Variants in ADAMTS12 observed in about 807,000 individuals in gnomAD.
The protein encoded by ADAMTS12 is A disintegrin and metalloproteinase with thrombospondin motifs 12.
ADAMTS12 carries 118 observed loss-of-function variants against 167.8 expected under a neutral mutation model. The ratio of observed to expected loss-of-function variants is 0.70; its 90% CI spans 0.61 to 0.82. The LOEUF (loss-of-function observed/expected upper bound fraction) is 0.82, where lower values mean the gene tolerates loss of function less well. Ranked by LOEUF, ADAMTS12 falls within the 40% of genes least tolerant of loss-of-function variation. The pLI is 0.00. For missense variants in ADAMTS12, 1,916 were observed against 1,998.8 expected (o/e 0.96, Z 0.79); for synonymous variants, 704 against 716.9 (o/e 0.98, Z 0.29).
At chr5:33,530,144 T>G (rs2111729244) in intron 23 of ADAMTS12, among the ~76,000 whole-genome samples, 1 of 152,258 alleles carries the variant, frequency 6.6e-6, no homozygotes, top group East Asian at 1.9e-4. Flanking sequence ...CAGGCTGGTC[T>G]TGAACTCCTG....
chr5:33,825,424 T>C (rs1438071607), intron 2 of ADAMTS12, among the ~76,000 whole-genome samples: 6 of 152,158 alleles, frequency 3.9e-5, no homozygotes, highest in Non-Finnish European at 8.8e-5. Flanking sequence ...TGTCATTAGA[T>C]GAGAGATTTA....
intron 2 of ADAMTS12, among the ~76,000 whole-genome samples, chr5:33,851,568 C>T (rs969811750): frequency 1.3e-5 from 2 of 152,178 alleles, no homozygotes; most frequent in African/African-American, 4.8e-5. Flanking sequence ...ACCGATACAT[C>T]TCAAATCCTC....
At chr5:33,719,990 T>G (rs1465414806) in intron 3 of ADAMTS12, among the ~76,000 whole-genome samples, 1 of 152,204 alleles carries the variant, frequency 6.6e-6, no homozygotes, top group Non-Finnish European at 1.5e-5. Flanking sequence ...ATTTGTTGGC[T>G]GATTTGTATG....
chr5:33,881,430 C>T lies in ADAMTS12; in HGVS notation c.178G>A (p.Val60Ile). ...GACAAAAAATGCCCACTGGCATCTA[C>T]TCGGACTGGACCCACCACGTGGTAT... ...PEYHVVGPVR[V>I]DASGHFLSYG... is the part of the protein sequence containing the mutation. Residue 60 changes from valine to isoleucine, a missense_variant, in exon 2 of 24, where the codon GTA becomes ATA. Coordinates refer to ENST00000504830, the MANE Select transcript of ADAMTS12 (RefSeq NM_030955.4). 6.2e-7 allele frequency: 1 copy of T among 1,614,000 alleles called. No homozygotes were observed. The highest frequency in any genetic ancestry group is 8.5e-7 in the Non-Finnish European group (1 of 1,179,964).
rs751142006 is a variant in ADAMTS12 at position 33,577,022 on chromosome 5, C to A, written c.3004G>T (p.Val1002Phe). The change falls in exon 19 of 24, where the codon GTT becomes TTT. Residue 1002 changes from valine to phenylalanine, a missense_variant. Coordinates refer to ENST00000504830, the MANE Select transcript of ADAMTS12 (RefSeq NM_030955.4). ...GLQQCPSSRRVLKPNKGTISN... is the reference protein window; with the variant it reads ...GLQQCPSSRRFLKPNKGTISN... The stretch of plus-strand genomic sequence containing the variant: ...ATAGTGCCTTTGTTTGGTTTCAGAA[C>A]TCTCCGGCTAGAAGGGCATTGCTGG... 1 of 1,614,158 alleles carries A rather than the reference C, an allele frequency of 6.2e-7. No homozygotes were observed. Among genetic ancestry groups the A allele is most frequent in the Admixed American group, 1.7e-5 (1 of 60,018 alleles).
At position 33,684,021 on chromosome 5, in the gene ADAMTS12, C is replaced by A; in HGVS notation, c.669G>T (p.Trp223Cys). The A allele has an allele frequency of 6.2e-7, 1 of 1,605,952 alleles. No individual in the cohort carries two copies. Residue 223 changes from tryptophan to cysteine, a missense_variant, in exon 4 of 24, where the codon TGG (tryptophan) becomes TGT (cysteine). By Grantham distance (215) the Trp-to-Cys change is radical (BLOSUM62 -2). Transcript: ENST00000504830. ...SVNISQKQEL[W>C]REKWERHNLP... is the part of the protein sequence containing the mutation. The stretch of plus-strand genomic sequence containing the variant: ...AGTTGTGCCTCTCCCACTTCTCCCG[C>A]CATAGCTCTTGCTTCTGGGAGATGT...
At chr5:33,686,936 T>TAG (rs1554035094) in intron 3 of ADAMTS12, among the ~76,000 whole-genome samples, 2,099 of 145,596 alleles carry the variant, frequency 0.014, 45 homozygotes, top group African/African-American at 0.045. Flanking sequence ...TATATATATA[T>TAG]AGAGAGAGAG....
chr5:33,587,394 T>TC (rs1301288038), intron 18 of ADAMTS12, among the ~76,000 whole-genome samples: 1 of 152,192 alleles, frequency 6.6e-6, no homozygotes, highest in Non-Finnish European at 1.5e-5. Context: ...TCAGATATTC[T>TC]CCATTTTCTC....
chr5:33,558,847 C>T (rs1254290861), intron 20 of ADAMTS12, among the ~76,000 whole-genome samples: 2 of 152,074 alleles, frequency 1.3e-5, no homozygotes, highest in Non-Finnish European at 2.9e-5. Context: ...AACTTTCAGT[C>T]CTTTTCAGAT....
At chr5:33,687,891 G>A (rs1742393771) in intron 3 of ADAMTS12, among the ~76,000 whole-genome samples, 1 of 152,218 alleles carries the variant, frequency 6.6e-6, no homozygotes, top group Admixed American at 6.5e-5. Context: ...AGGGGCTGAT[G>A]ATTCTGGGAA....
chr5:33,662,983 T>C lies in ADAMTS12; in HGVS notation c.916-943A>G, dbSNP rs146954764. Among the ~76,000 whole-genome samples the C allele has an allele frequency of 1.8e-4, 28 of 152,354 alleles. No homozygotes were observed. The East Asian group carries it at 4.6e-3, about 25-fold the overall frequency. ...TCAGGACAGTCTCTGCATGAAATTATGAGCTTGCTTCTCTACCATTCTGTA... is the reference window on the plus strand; with the variant it reads ...TCAGGACAGTCTCTGCATGAAATTACGAGCTTGCTTCTCTACCATTCTGTA... On this transcript the variant is annotated intron_variant, in intron 5 of 23. Transcript: ENST00000504830.
At chr5:33,673,445 C>T (rs961759830) in intron 5 of ADAMTS12, among the ~76,000 whole-genome samples, 5 of 152,156 alleles carry the variant, frequency 3.3e-5, no homozygotes, top group African/African-American at 9.7e-5. Context: ...GAACCACCAT[C>T]GACTCAGTTG....
At chr5:33,838,581 C>T (rs1033736656) in intron 2 of ADAMTS12, among the ~76,000 whole-genome samples, 34 of 152,098 alleles carry the variant, frequency 2.2e-4, no homozygotes, top group African/African-American at 7.5e-4. Context: ...TATGTGGAGG[C>T]TGAGGTAGGA....
chr5:33,547,915 CT>C (rs1388438518), intron 21 of ADAMTS12, among the ~76,000 whole-genome samples: 1 of 152,130 alleles, frequency 6.6e-6, no homozygotes, highest in Admixed American at 6.5e-5. Flanking sequence ...GTTTGGAGGT[CT>C]GGGTTCAGAG....
intron 16 of ADAMTS12, among the ~76,000 whole-genome samples, chr5:33,601,523 C>T (rs1738188908): frequency 6.6e-6 from 1 of 152,118 alleles, no homozygotes. Context: ...CACTCTGAGG[C>T]TAGGGAATAA....
chr5:33,872,112 G>C (rs913221827), intron 2 of ADAMTS12, among the ~76,000 whole-genome samples: 1 of 152,118 alleles, frequency 6.6e-6, no homozygotes, highest in Non-Finnish European at 1.5e-5. Context: ...AGGTTCACTG[G>C]TGAACTCTAC....
chr5:33,781,632 A>G (rs2112442288), intron 2 of ADAMTS12, among the ~76,000 whole-genome samples: 1 of 152,338 alleles, frequency 6.6e-6, no homozygotes, highest in Admixed American at 6.5e-5. Flanking sequence ...TTGAAAGGTC[A>G]ACCAGTAAAT....
At chr5:33,770,244 C>G (rs1229014800) in intron 2 of ADAMTS12, among the ~76,000 whole-genome samples, 1 of 152,142 alleles carries the variant, frequency 6.6e-6, no homozygotes, top group East Asian at 1.9e-4. Flanking sequence ...CAATTTTGAA[C>G]TGACTATAGA....
At chr5:33,799,800 A>G (rs1746926921) in intron 2 of ADAMTS12, among the ~76,000 whole-genome samples, 1 of 152,266 alleles carries the variant, frequency 6.6e-6, no homozygotes, top group African/African-American at 2.4e-5. Context: ...TCAAAGGCAC[A>G]GGAAGGGGTC....
Sources: allele counts gnomAD v4.1 joint callset (sites outside exome capture counted in the v4.1 genomes callset), GRCh38; gene constraint gnomAD v4.1.1; transcripts MANE v1.5; gene names NCBI Gene and HGNC (gene_info 2026-07-23, HGNC 2026-07-21).